Variants in KCTD3 observed in about 807,000 individuals in gnomAD.
KCTD3 encodes potassium channel tetramerization domain containing 3.
In KCTD3, 41 loss-of-function variants were observed where a neutral mutation model predicts 85.8. The observed-to-expected ratio is 0.48, with a 90% CI of 0.37 to 0.62. The LOEUF is 0.62. KCTD3 is among the 20% of genes least tolerant of loss of function. The pLI is 0.00. For missense variants in KCTD3, 724 were observed against 989.9 expected (o/e 0.73, Z 3.60); for synonymous variants, 338 against 345.4 (o/e 0.98, Z 0.24).
intron 17 of KCTD3, 75 bp from the exon 18 acceptor site, chr1:215,619,982 G>T: frequency 9.2e-7 from 1 of 1,085,228 alleles, no homozygotes; most frequent in Non-Finnish European, 1.3e-6. Context: ...GTGTTTTATT[G>T]GTTGTATAAT....
rs1654928420 is a variant in KCTD3 at position 215,604,168 on chromosome 1, C to T, written c.1175C>T (p.Thr392Met). The change falls in exon 13 of 18, where the codon ACG (threonine) becomes ATG (methionine). Residue 392 changes from threonine to methionine, a missense_variant. Thr to Met is a moderately conservative substitution (Grantham distance 81). This residue lies in a region of KCTD3 where 146 missense variants were observed against 320.3 expected (regional missense o/e 0.46). Transcript: ENST00000259154. ...AACTGGATCGAGATCGCCTATGGTA[C>T]GAGCTCTGGAGCAGTACGAGTGATT... is the stretch of plus-strand genomic sequence containing the variant. ...SGNWIEIAYG[T>M]SSGAVRVIVQ... The T allele has an allele frequency of 2.5e-6, 4 of 1,613,312 alleles. No individual in the cohort carries two copies. Among genetic ancestry groups the T allele is most frequent in the African/African-American group, 1.3e-5 (1 of 74,812 alleles).
Position 215,620,215 on chromosome 1 carries a change from G to C in KCTD3, c.2045G>C (p.Arg682Thr), listed in dbSNP as rs1571905611. 2 of 1,613,914 alleles carry C rather than the reference G, an allele frequency of 1.2e-6. No homozygotes were observed. Among genetic ancestry groups the C allele is most frequent in the East Asian group, 2.2e-5 (1 of 44,858 alleles). Residue 682 changes from arginine (R) to threonine (T), a missense_variant, in exon 18 of 18, where the codon AGA becomes ACA. Transcript: ENST00000259154. ...ATTAATTTGAACAGAAATGTAGAAA[G>C]AGCTGTCCCTGAAAATGGTAACTTG... is the stretch of plus-strand genomic sequence containing the variant. ...QTINLNRNVE[R>T]AVPENGNLGP...
rs1655669344 is a variant in KCTD3, at chr1:215,621,064, T to G, written c.*446T>G. ...GAACTTGGTCTCCCAACACTTATTG[T>G]GATTGCAAAGTGTTTACCAGATATT... On this transcript the variant is annotated 3_prime_UTR_variant, in exon 18 of 18. Transcript: ENST00000259154. The G allele has an allele frequency of 6.1e-6, 1 of 162,690 alleles. No homozygotes were observed. The highest frequency in any genetic ancestry group is 6.4e-5 in the Admixed American group (1 of 15,602). The allele number at this position is 162,690 out of a possible 1,614,324, so 10.1% of individuals were successfully genotyped here.
intron 9 of KCTD3, among the ~76,000 whole-genome samples, chr1:215,590,483 T>A (rs570409079): frequency 6.6e-6 from 1 of 152,274 alleles, no homozygotes; most frequent in Non-Finnish European, 1.5e-5. Flanking sequence ...CCTTTTGAGC[T>A]TTCTAGATCA....
chr1:215,589,401 A>C (rs1439481251), intron 9 of KCTD3, among the ~76,000 whole-genome samples: 1 of 152,142 alleles, frequency 6.6e-6, no homozygotes, highest in Non-Finnish European at 1.5e-5. Context: ...TTGGCTTTCC[A>C]AAGTGCTGGG....
chr1:215,586,189 T>C (rs868276289), intron 8 of KCTD3, among the ~76,000 whole-genome samples: 1 of 152,140 alleles, frequency 6.6e-6, no homozygotes, highest in Non-Finnish European at 1.5e-5. Flanking sequence ...TTTTTTAAAG[T>C]TTCTGAAATT....
rs747229842 is a variant in KCTD3 at position 215,619,275 on chromosome 1, C to G, written c.1870C>G (p.Arg624Gly). ...TTCCGTAGTTCAGCATAGCCACTTA[C>G]GAGAATCAAATTCTAGGTAGGTTAA... ...ATSVVQHSHL[R>G]ESNSSLQLQH... Residue 624 changes from arginine (R) to glycine (G), a missense_variant, in exon 17 of 18, where the codon CGA becomes GGA. By Grantham distance (125) the Arg-to-Gly change is moderately radical. This residue lies in a region of KCTD3 where 136 missense variants were observed against 197.6 expected (regional missense o/e 0.69). Coordinates refer to ENST00000259154, the MANE Select transcript of KCTD3 (RefSeq NM_016121.5). The G allele has an allele frequency of 6.2e-6, 10 of 1,612,778 alleles. No homozygotes were observed. Among genetic ancestry groups the G allele is most frequent in the Admixed American group, 3.3e-5 (2 of 59,818 alleles).
chr1:215,609,882 G>A (rs1655164495), intron 14 of KCTD3, among the ~76,000 whole-genome samples: 2 of 151,942 alleles, frequency 1.3e-5, no homozygotes, highest in African/African-American at 4.8e-5. Context: ...GATATACCTG[G>A]TTTCTGGAGA....
chr1:215,611,602 T>C (rs1655236948), intron 14 of KCTD3, among the ~76,000 whole-genome samples: 1 of 151,964 alleles, frequency 6.6e-6, no homozygotes, highest in Non-Finnish European at 1.5e-5. Context: ...TAGTTATATA[T>C]AAAATATAAT....
At chr1:215,595,695 T>A (rs938112988) in intron 10 of KCTD3, among the ~76,000 whole-genome samples, 14 of 152,186 alleles carry the variant, frequency 9.2e-5, no homozygotes, top group African/African-American at 3.1e-4. Flanking sequence ...GTTTTGCATT[T>A]CTCCATTTAT....
chr1:215,587,940 T>C (rs1183053173), intron 9 of KCTD3, among the ~76,000 whole-genome samples: 1 of 152,176 alleles, frequency 6.6e-6, no homozygotes, highest in African/African-American at 2.4e-5. Context: ...ATACCTTTCA[T>C]TGTATAATAT....
At chr1:215,583,235 C>G (rs908995006) in intron 8 of KCTD3, among the ~76,000 whole-genome samples, 5 of 151,982 alleles carry the variant, frequency 3.3e-5, no homozygotes, top group Non-Finnish European at 7.4e-5. Context: ...ACAGTTATTT[C>G]TTGATTATAT....
intron 15 of KCTD3, among the ~76,000 whole-genome samples, chr1:215,615,599 G>A (rs180716157): frequency 1.6e-3 from 240 of 150,578 alleles, no homozygotes; most frequent in African/African-American, 5.6e-3. Context: ...CAGCCTGGGC[G>A]ACAGAGCAGG....
At chr1:215,582,689 G>C (rs1425240546) in intron 8 of KCTD3, among the ~76,000 whole-genome samples, 1 of 152,062 alleles carries the variant, frequency 6.6e-6, no homozygotes, top group Non-Finnish European at 1.5e-5. Flanking sequence ...AGCCTCCTGA[G>C]TAGCTGGGAC....
chr1:215,578,084 A>G lies in KCTD3; in HGVS notation c.397+3A>G. 1.9e-6 allele frequency: 3 copies of G among 1,608,182 alleles called. No homozygotes were observed. Among genetic ancestry groups the G allele is most frequent in the Non-Finnish European group, 2.5e-6 (3 of 1,176,484 alleles). Reference sequence around the variant, plus strand: ...TCATGGTTACTTGCCCCCACCAGGTATTTTCACTTTATTAAATCTTTTAAA... The same window carrying G: ...TCATGGTTACTTGCCCCCACCAGGTGTTTTCACTTTATTAAATCTTTTAAA... On this transcript the variant is annotated splice_donor_region_variant and intron_variant, in intron 6 of 17. Transcript: ENST00000259154.
Position 215,577,678 on chromosome 1 carries a change from G to A in KCTD3, c.266G>A (p.Ser89Asn). ...RTKELDLRGV[S>N]INVLRHEAEF... ...CATTTGTTTCTTTGTAGGGGAGTGA[G>A]TATTAATGTTCTCAGGCATGAAGCA... is the stretch of plus-strand genomic sequence containing the variant. Residue 89 changes from serine to asparagine, a missense_variant, in exon 5 of 18, where the codon AGT becomes AAT. Physicochemically the swap from Ser to Asn is conservative, Grantham distance 46. Coordinates refer to ENST00000259154, the MANE Select transcript of KCTD3 (RefSeq NM_016121.5). The A allele has an allele frequency of 6.3e-7, 1 of 1,587,660 alleles. No individual in the cohort carries two copies. Among genetic ancestry groups the A allele is most frequent in the Non-Finnish European group, 8.6e-7 (1 of 1,156,178 alleles).
chr1:215,608,259 T>C (rs1655107454), intron 14 of KCTD3, 87 bp downstream of exon 14: 5 of 807,208 alleles, frequency 6.2e-6, no homozygotes, highest in Non-Finnish European at 9.0e-6. Context: ...CAAAAATGAG[T>C]TTTAAATACA....
At chr1:215,579,386 T>C (rs986122265) in intron 7 of KCTD3, among the ~76,000 whole-genome samples, 1 of 152,262 alleles carries the variant, frequency 6.6e-6, no homozygotes, top group African/African-American at 2.4e-5. Context: ...TTAAATATTT[T>C]AGGCTTTGTG....
In KCTD3 at chr1:215,573,838, AG is replaced by A; in HGVS notation, c.137+1del. On this transcript the variant is annotated frameshift_variant and splice_region_variant, in exon 2 of 18. Coordinates refer to ENST00000259154, the MANE Select transcript of KCTD3 (RefSeq NM_016121.5). LOFTEE classifies it high-confidence loss of function. ...LMWIPDSFFS[S>X]LLSGRISTLR... ...GTGGATTCCAGATTCTTTTTTTTCCAGGTATGTCTTATAATTCTTTAGTGTA... is the reference window on the plus strand; with the variant it reads ...GTGGATTCCAGATTCTTTTTTTTCCAGTATGTCTTATAATTCTTTAGTGTA... The A allele has an allele frequency of 3.9e-6, 6 of 1,537,874 alleles. No homozygotes were observed. The highest frequency in any genetic ancestry group is 4.5e-6 in the Non-Finnish European group (5 of 1,117,520).
Sources: allele counts gnomAD v4.1 joint callset (sites outside exome capture counted in the v4.1 genomes callset), GRCh38; gene constraint gnomAD v4.1.1; regional missense constraint gnomAD v4.1.1; transcripts MANE v1.5; gene names NCBI Gene and HGNC (gene_info 2026-07-23, HGNC 2026-07-21).